Variants in PRDM9 observed in about 807,000 individuals in gnomAD.
PRDM9 encodes the protein PR/SET domain 9.
In PRDM9, 47 loss-of-function variants were observed where a neutral mutation model predicts 55.6. That is an observed-to-expected ratio of 0.85 (90% confidence interval 0.67 to 1.08). PRDM9 has a LOEUF of 1.08. Among genes scored for constraint, PRDM9 ranks in the 50% least tolerant of loss-of-function variants. PRDM9 has a pLI of 0.00. For synonymous variants in PRDM9, 312 were observed against 375.7 expected (o/e 0.83, Z 1.96); for missense variants, 867 against 1,040.3 (o/e 0.83, Z 2.29).
chr5:23,518,024 A>G, intron 5 of PRDM9, 94 bp downstream of exon 5: 1 of 1,163,602 alleles, frequency 8.6e-7, no homozygotes, highest in South Asian at 1.2e-5. Context: ...CATAGGAACT[A>G]ATGCCTTCTT....
rs183384782 is a variant in PRDM9 at position 23,523,139 on chromosome 5, T to C, written c.883-152T>C. 80 of 1,088,208 alleles carry C rather than the reference T, an allele frequency of 7.4e-5. No individual in the cohort carries two copies. In the Admixed American group the frequency reaches 1.3e-3, roughly 17 times the overall value. 67.4% of individuals were successfully genotyped at this position (1,088,208 alleles called of 1,614,324 possible). ...CTGATTGGACAAACCAACTCAGATG[T>C]GTAGATAGATGATGACTAAGGTGCA... On this transcript the variant is annotated intron_variant, in intron 8 of 10. Transcript: ENST00000296682.
chr5:23,508,878 G>A, intron 1 of PRDM9, 72 bp from the exon 2 acceptor site: 1 of 832,580 alleles, frequency 1.2e-6, no homozygotes, highest in Non-Finnish European at 1.9e-6. Flanking sequence ...CCAGCCAGAT[G>A]GAGAAGACAG....
chr5:23,514,307 G>C (rs1264269172), intron 4 of PRDM9, among the ~76,000 whole-genome samples: 1 of 152,188 alleles, frequency 6.6e-6, no homozygotes, highest in Non-Finnish European at 1.5e-5. Flanking sequence ...CAGAGTGCCA[G>C]CATGGTTGGG....
At chr5:23,515,105 A>G (rs566225577) in intron 4 of PRDM9, among the ~76,000 whole-genome samples, 3 of 151,970 alleles carry the variant, frequency 2.0e-5, no homozygotes, top group Non-Finnish European at 4.4e-5. Flanking sequence ...CTGGGATTAC[A>G]GGCACATACC....
intron 4 of PRDM9, among the ~76,000 whole-genome samples, chr5:23,516,473 C>T (rs575551262): frequency 4.7e-4 from 71 of 149,518 alleles, no homozygotes; most frequent in Middle Eastern, 3.7e-3. Flanking sequence ...CCCTGGTTCA[C>T]GCCATTCTCC....
chr5:23,517,252 G>A (rs1411929284), intron 4 of PRDM9, among the ~76,000 whole-genome samples: 3 of 150,684 alleles, frequency 2.0e-5, no homozygotes, highest in South Asian at 4.2e-4. Context: ...TGTGTTTGTC[G>A]TGAAAGGTCA....
rs1739513608 is a variant in PRDM9 at position 23,527,911 on chromosome 5, G to A, written c.*138G>A. 7.3e-6 allele frequency: 8 copies of A among 1,103,096 alleles called. No individual in the cohort carries two copies. The highest frequency in any genetic ancestry group is 4.1e-5 in the South Asian group (3 of 72,672). 68.3% of individuals were successfully genotyped at this position (1,103,096 alleles called of 1,614,324 possible). A position where few individuals can be genotyped will look rare whatever the true frequency, so the allele number is the denominator to read the frequency against. ...TATTCCCCGAGAGTATAAAGAGATC[G>A]GAAATAACTGATTAAACAAATCCGC... On this transcript the variant is annotated 3_prime_UTR_variant, in exon 11 of 11. Transcript: ENST00000296682.
chr5:23,525,336 G>A (rs1739409704), intron 10 of PRDM9, among the ~76,000 whole-genome samples: 2 of 152,198 alleles, frequency 1.3e-5, no homozygotes. Context: ...AGAGAGAATG[G>A]TGGGCAGGAT....
Position 23,523,278 on chromosome 5 carries a change from T to G in PRDM9, c.883-13T>G, listed in dbSNP as rs997994817. ...CCTCTAAAAAGCCTTTGCCTTGTTT[T>G]TCTGAAACTCAGATCACCAAGGGGA... On this transcript the variant is annotated splice_polypyrimidine_tract_variant and intron_variant, in intron 8 of 10. Transcript: ENST00000296682. The G allele has an allele frequency of 1.2e-6, 2 of 1,612,408 alleles. No homozygotes were observed. Among genetic ancestry groups the G allele is most frequent in the Non-Finnish European group, 1.7e-6 (2 of 1,178,516 alleles).
intron 4 of PRDM9, among the ~76,000 whole-genome samples, chr5:23,513,904 CCA>C (rs986741405): frequency 1.3e-4 from 20 of 151,602 alleles, no homozygotes; most frequent in African/African-American, 4.6e-4. Context: ...ACAAAAAAAC[CCA>C]CACACACACA....
rs774278124 is a variant in PRDM9, at chr5:23,526,456, C to G, written c.1368C>G (p.Ile456Met). The change falls in exon 11 of 11, where the codon ATC becomes ATG. Residue 456 changes from isoleucine to methionine, a missense_variant. Coordinates refer to ENST00000296682, the MANE Select transcript of PRDM9 (RefSeq NM_020227.4). ...SRNDKTKGQE[I>M]KERSKLLNKR... Reference sequence around the variant, plus strand: ...ATGACAAAACCAAAGGTCAAGAGATCAAAGAAAGGTCCAAACTCTTGAATA... The same window carrying G: ...ATGACAAAACCAAAGGTCAAGAGATGAAAGAAAGGTCCAAACTCTTGAATA... The G allele has an allele frequency of 1.2e-6, 2 of 1,613,980 alleles. No individual in the cohort carries two copies. Among genetic ancestry groups the G allele is most frequent in the African/African-American group, 2.7e-5 (2 of 74,896 alleles).
chr5:23,527,348 G>C lies in PRDM9; in HGVS notation c.2260G>C (p.Gly754Arg). ...GAAGCCCTATGTCTGCAGGGAGTGT[G>C]GGCGGGGCTTTCGCGATAAGTCACA... ...GEKPYVCREC[G>R]RGFRDKSHLL... The change falls in exon 11 of 11, where the codon GGG becomes CGG. Residue 754 changes from glycine (G) to arginine (R), a missense_variant. Physicochemically the swap from Gly to Arg is moderately radical, Grantham distance 125. Transcript: ENST00000296682. 1 of 1,532,798 alleles carries C rather than the reference G, an allele frequency of 6.5e-7. No individual in the cohort carries two copies. Among genetic ancestry groups the C allele is most frequent in the Non-Finnish European group, 8.7e-7 (1 of 1,151,336 alleles). The allele number at this position is 1,532,798 out of a possible 1,614,324, so 94.9% of individuals were successfully genotyped here.
intron 9 of PRDM9, 32 bp downstream of exon 9, chr5:23,523,390 G>C (rs1561021144): frequency 1.3e-6 from 2 of 1,582,596 alleles, no homozygotes; most frequent in East Asian, 2.2e-5. Flanking sequence ...GTTGCAGAGA[G>C]AACCTTCATC....
chr5:23,510,767 G>A (rs1739080173), intron 4 of PRDM9, among the ~76,000 whole-genome samples: 1 of 151,868 alleles, frequency 6.6e-6, no homozygotes. Context: ...AAACTCCTGG[G>A]CTTAAGCGAT....
chr5:23,516,642 G>C (rs930167753), intron 4 of PRDM9, among the ~76,000 whole-genome samples: 1 of 151,728 alleles, frequency 6.6e-6, no homozygotes, highest in Non-Finnish European at 1.5e-5. Context: ...AAAGTGCTGA[G>C]ATTACAGGCG....
intron 4 of PRDM9, among the ~76,000 whole-genome samples, chr5:23,514,432 T>A (rs2934796): frequency 0.96 from 145,690 of 152,224 alleles, 69,803 homozygotes; most frequent in Admixed American, 0.98. Context: ...CTCTTCTTAT[T>A]AAAGCAATAA....
intron 10 of PRDM9, among the ~76,000 whole-genome samples, chr5:23,525,938 G>T (rs1019608891): frequency 1.3e-5 from 2 of 152,182 alleles, no homozygotes; most frequent in African/African-American, 4.8e-5. Context: ...TGGGGAAAAG[G>T]TCACTGCAGT....
intron 1 of PRDM9, 107 bp from the exon 2 acceptor site, chr5:23,508,843 A>G (rs1739032845): frequency 3.0e-6 from 2 of 655,892 alleles, no homozygotes; most frequent in Non-Finnish European, 2.6e-6. Context: ...CTCACCAGGA[A>G]TCCACATCTT....
Position 23,521,036 on chromosome 5 carries a change from C to A in PRDM9, c.365C>A (p.Ala122Glu), listed in dbSNP as rs773183075. ...QRKHQKGMPKASFSNESSLKE... is the reference protein window; with the variant it reads ...QRKHQKGMPKESFSNESSLKE... The stretch of plus-strand genomic sequence containing the variant: ...CTCACATTAAAGGGAATGCCCAAGG[C>A]GTCATTCAGTAATGAATCTAGTTTG... The change falls in exon 6 of 11, where the codon GCG becomes GAG. Residue 122 changes from alanine (A) to glutamate (E), a missense_variant. Around this residue, in one of 5 missense-constraint regions of PRDM9, gnomAD observed 662 missense variants for 711.9 expected, o/e 0.93. Transcript: ENST00000296682. The A allele has an allele frequency of 2.5e-5, 41 of 1,613,962 alleles. No individual in the cohort carries two copies. The highest frequency in any genetic ancestry group is 3.4e-5 in the Non-Finnish European group (40 of 1,179,946).
Sources: gnomAD v4.1 joint callset for allele counts (sites outside exome capture counted in the v4.1 genomes callset) on GRCh38, gnomAD v4.1.1 for gene constraint, gnomAD v4.1.1 regional missense constraint, MANE v1.5 for transcripts, NCBI Gene and HGNC (gene_info 2026-07-23, HGNC 2026-07-21) for gene names.